The following ADAMTS19 variants were observed in gnomAD, a reference collection of about 807,000 sequenced individuals.
ADAMTS19 encodes the protein ADAM metallopeptidase with thrombospondin type 1 motif 19.
Under a neutral mutation model 153.3 loss-of-function variants are expected in ADAMTS19, and 93 were observed. The ratio of observed to expected loss-of-function variants is 0.61; its 90% CI spans 0.51 to 0.72. The LOEUF (loss-of-function observed/expected upper bound fraction) is 0.72, where lower values mean the gene tolerates loss of function less well. Among genes scored for constraint, ADAMTS19 ranks in the 30% least tolerant of loss-of-function variants. ADAMTS19 has a pLI of 0.00. For synonymous variants in ADAMTS19, 600 were observed against 556.6 expected (o/e 1.08, Z -1.10); for missense variants, 1,482 against 1,552.1 (o/e 0.95, Z 0.76).
chr5:129,548,882 T>C (rs1752962169), intron 6 of ADAMTS19, among the ~76,000 whole-genome samples: 1 of 151,418 alleles, frequency 6.6e-6, no homozygotes, highest in African/African-American at 2.4e-5. Flanking sequence ...TATAGGGACA[T>C]GGATGAAACT....
At chr5:129,493,222 A>C (rs1750823333) in intron 2 of ADAMTS19, among the ~76,000 whole-genome samples, 1 of 152,158 alleles carries the variant, frequency 6.6e-6, no homozygotes, top group South Asian at 2.1e-4. Context: ...TATCAACTAT[A>C]TGTTATAATT....
At chr5:129,579,261 T>G (rs988256513) in intron 7 of ADAMTS19, among the ~76,000 whole-genome samples, 1 of 152,226 alleles carries the variant, frequency 6.6e-6, no homozygotes, top group African/African-American at 2.4e-5. Context: ...TGTCTGTTCA[T>G]ATCCTTAGCC....
chr5:129,702,558 T>A (rs1393145709), intron 20 of ADAMTS19, among the ~76,000 whole-genome samples: 1 of 152,176 alleles, frequency 6.6e-6, no homozygotes, highest in Non-Finnish European at 1.5e-5. Context: ...CCAAAAAGCA[T>A]ATTCACAAAA....
At chr5:129,714,188 G>C (rs1262049380) in intron 21 of ADAMTS19, among the ~76,000 whole-genome samples, 1 of 152,066 alleles carries the variant, frequency 6.6e-6, no homozygotes, top group Non-Finnish European at 1.5e-5. Flanking sequence ...GGGAGGCCGA[G>C]GCGGGTGGAT....
At chr5:129,669,102 A>ATG (rs1403557696) in intron 16 of ADAMTS19, among the ~76,000 whole-genome samples, 1 of 151,944 alleles carries the variant, frequency 6.6e-6, no homozygotes, top group Non-Finnish European at 1.5e-5. Context: ...ATATATATAT[A>ATG]TTCAAATGAT....
In ADAMTS19 at chr5:129,461,027, T is replaced by A. The variant is rs1005754538; in HGVS notation, c.92-75T>A. 5.4e-5 allele frequency: 69 copies of A among 1,281,256 alleles called. 1 individual carries two copies. The highest frequency in any genetic ancestry group is 6.8e-5 in the Non-Finnish European group (69 of 1,016,622). 79.4% of individuals were successfully genotyped at this position (1,281,256 alleles called of 1,614,324 possible). A position where few individuals can be genotyped will look rare whatever the true frequency, so the allele number is the denominator to read the frequency against. On this transcript the variant is annotated intron_variant, in intron 1 of 22. Transcript: ENST00000274487. The surrounding 1 kb of genome is among the most constrained non-coding windows in gnomAD (Gnocchi z 4.6). ...ACGCGAGCGCCCTGTATCTATGGACTGTGAGCTTGGAAATGTTTGTGCTAC... is the reference window on the plus strand; with the variant it reads ...ACGCGAGCGCCCTGTATCTATGGACAGTGAGCTTGGAAATGTTTGTGCTAC...
intron 16 of ADAMTS19, among the ~76,000 whole-genome samples, chr5:129,665,825 TA>T (rs746067319): frequency 6.6e-6 from 1 of 150,670 alleles, no homozygotes; most frequent in East Asian, 1.9e-4. Context: ...TAGTCCAAGA[TA>T]AAAAAACAAA....
At chr5:129,624,026 C>G (rs918302488) in intron 10 of ADAMTS19, among the ~76,000 whole-genome samples, 26 of 144,900 alleles carry the variant, frequency 1.8e-4, no homozygotes, top group African/African-American at 5.9e-4. Flanking sequence ...ACTCAGGAGG[C>G]TGAGGCAGGA....
chr5:129,580,293 T>C (rs1445231292), intron 7 of ADAMTS19, among the ~76,000 whole-genome samples: 1 of 152,212 alleles, frequency 6.6e-6, no homozygotes, highest in Non-Finnish European at 1.5e-5. Context: ...TTTTGTATCC[T>C]GAACTTTGCT....
At chr5:129,712,985 A>G (rs940104368) in intron 21 of ADAMTS19, among the ~76,000 whole-genome samples, 1 of 152,258 alleles carries the variant, frequency 6.6e-6, no homozygotes, top group Non-Finnish European at 1.5e-5. Context: ...TTCCTTCTTC[A>G]TAGCTTCTAG....
At chr5:129,658,311 A>AG (rs1561632095) in intron 14 of ADAMTS19, among the ~76,000 whole-genome samples, 1,741 of 25,328 alleles carry the variant, frequency 0.069, 155 homozygotes, top group African/African-American at 0.14. Context: ...AAGAAAGAAA[A>AG]AGAAAGAAAG....
At chr5:129,569,463 C>A (rs1248678388) in intron 7 of ADAMTS19, among the ~76,000 whole-genome samples, 1 of 152,008 alleles carries the variant, frequency 6.6e-6, no homozygotes, top group Admixed American at 6.6e-5. Context: ...AAATTGAAAA[C>A]CACCGCTAGC....
intron 13 of ADAMTS19, among the ~76,000 whole-genome samples, chr5:129,653,442 G>A (rs1184746248): frequency 6.6e-6 from 1 of 152,134 alleles, no homozygotes; most frequent in Non-Finnish European, 1.5e-5. Context: ...GAGCCTAAAA[G>A]GCAAGTGTTT....
intron 7 of ADAMTS19, among the ~76,000 whole-genome samples, chr5:129,578,041 TACACACACACACACAC>T (rs748371915): frequency 7.1e-5 from 7 of 98,614 alleles, no homozygotes; most frequent in Admixed American, 3.8e-4. Context: ...CAAACTTACA[TACACACACACACACAC>T]ACACACACAC....
intron 17 of ADAMTS19, among the ~76,000 whole-genome samples, chr5:129,680,688 A>G (rs974943691): frequency 4.0e-5 from 6 of 151,092 alleles, no homozygotes; most frequent in African/African-American, 1.5e-4. Context: ...CTTGAACCCA[A>G]GAGGCGGAGG....
At chr5:129,693,244 T>C (rs779926176) in intron 18 of ADAMTS19, among the ~76,000 whole-genome samples, 3 of 152,190 alleles carry the variant, frequency 2.0e-5, no homozygotes, top group Non-Finnish European at 4.4e-5. Context: ...CCATTCAAAC[T>C]AAAGTAAAAT....
At chr5:129,540,959 A>G (rs1449964543) in intron 6 of ADAMTS19, among the ~76,000 whole-genome samples, 3 of 152,224 alleles carry the variant, frequency 2.0e-5, no homozygotes, top group East Asian at 3.9e-4. Context: ...TCAAAGGTCT[A>G]GTCAGCAAAT....
Position 129,665,881 on chromosome 5 carries a change from C to CATAT in ADAMTS19, c.2506+321_2506+324dup, listed in dbSNP as rs3979171. On this transcript the variant is annotated intron_variant, in intron 16 of 22. Coordinates refer to ENST00000274487, the MANE Select transcript of ADAMTS19 (RefSeq NM_133638.6). The stretch of plus-strand genomic sequence containing the variant: ...GAATGATTTGGGTATGATTTATATT[C>CATAT]ATATATATATATATATATATATTTC... Among the ~76,000 whole-genome samples, 452 of 143,660 alleles carry CATAT rather than the reference C, an allele frequency of 3.1e-3. 2 individuals carry two copies. Among genetic ancestry groups the CATAT allele is most frequent in the African/African-American group, 0.011 (432 of 39,788 alleles). 94.2% of individuals were successfully genotyped at this position (143,660 alleles called of 152,430 possible). A position where few individuals can be genotyped will look rare whatever the true frequency, so the allele number is the denominator to read the frequency against.
chr5:129,653,957 G>C (rs1340287067), intron 13 of ADAMTS19, among the ~76,000 whole-genome samples: 1 of 152,038 alleles, frequency 6.6e-6, no homozygotes, highest in Non-Finnish European at 1.5e-5. Flanking sequence ...AGATGAAGAG[G>C]ATATCATTTC....
Sources: allele counts gnomAD v4.1 joint callset (sites outside exome capture counted in the v4.1 genomes callset), GRCh38; gene constraint gnomAD v4.1.1; non-coding constraint Gnocchi (gnomAD v3.1); transcripts MANE v1.5; gene names NCBI Gene and HGNC (gene_info 2026-07-23, HGNC 2026-07-21).